STIM1: variants seen among roughly 807,000 people sequenced by gnomAD.
The protein encoded by STIM1 is stromal interaction molecule 1.
In STIM1, 25 loss-of-function variants were observed where a neutral mutation model predicts 74.7. The ratio of observed to expected loss-of-function variants is 0.33; its 90% CI spans 0.24 to 0.47. The LOEUF (loss-of-function observed/expected upper bound fraction) is 0.47, where lower values mean the gene tolerates loss of function less well. Ranked by LOEUF, STIM1 falls within the 20% of genes least tolerant of loss-of-function variation. The probability of loss-of-function intolerance (pLI) is 1.00; values close to 1 mark genes in which losing one functional copy is unlikely to be tolerated. For missense variants in STIM1, 728 were observed against 920.8 expected, an observed-to-expected ratio of 0.79 and a Z score of 2.71; for synonymous variants, 328 against 348.8, an observed-to-expected ratio of 0.94 and a Z score of 0.66.
At chr11:4,085,542 C>T (rs1185606570) in intron 11 of STIM1, among the ~76,000 whole-genome samples, 5 of 152,244 alleles carry the variant, frequency 3.3e-5, no homozygotes, top group South Asian at 4.2e-4. Context: ...TATTGGAAAG[C>T]GAAAAAGAGT....
chr11:3,957,391 G>A (rs550278446), intron 1 of STIM1, among the ~76,000 whole-genome samples: 2 of 151,876 alleles, frequency 1.3e-5, no homozygotes, highest in East Asian at 3.9e-4. Context: ...TGAGTAGTTG[G>A]GATTACAGGC....
At chr11:4,003,672 C>T (rs2093745317) in intron 2 of STIM1, among the ~76,000 whole-genome samples, 1 of 152,176 alleles carries the variant, frequency 6.6e-6, no homozygotes, top group African/African-American at 2.4e-5. Flanking sequence ...CCTTTGAAAA[C>T]TGGCACAAGA....
chr11:4,061,139 A>G (rs749039745), intron 5 of STIM1, among the ~76,000 whole-genome samples: 3 of 152,214 alleles, frequency 2.0e-5, no homozygotes, highest in Non-Finnish European at 2.9e-5. Flanking sequence ...AATCAGATTT[A>G]TCATGTCTGA....
intron 2 of STIM1, among the ~76,000 whole-genome samples, chr11:4,007,396 A>G (rs1220249600): frequency 6.6e-6 from 1 of 152,164 alleles, no homozygotes; most frequent in Non-Finnish European, 1.5e-5. Flanking sequence ...GACTTTAGCT[A>G]TTAGCTGGAT....
At chr11:4,051,607 T>G (rs1350455492) in intron 3 of STIM1, among the ~76,000 whole-genome samples, 1 of 152,074 alleles carries the variant, frequency 6.6e-6, no homozygotes, top group East Asian at 1.9e-4. Flanking sequence ...CCTCCCAAAG[T>G]GCTGGGATTA....
At position 3,992,081 on chromosome 11, in the gene STIM1, G is replaced by GCTTTTTTTTTTT. The variant is rs376329167; in HGVS notation, c.270+24399_270+24400insCTTTTTTTTTTT. Among the ~76,000 whole-genome samples, 228 of 91,904 alleles carry GCTTTTTTTTTTT rather than the reference G, an allele frequency of 2.5e-3. 18 individuals carry two copies. Among genetic ancestry groups the GCTTTTTTTTTTT allele is most frequent in the South Asian group, 5.6e-3 (14 of 2,506 alleles). 60.3% of individuals were successfully genotyped at this position (91,904 alleles called of 152,430 possible). ...TTTCTCTGCAGCCTTGCCAACATCT[G>GCTTTTTTTTTTT]TTTTTTTGTTTTTTTTTTTTTTTTT... On this transcript the variant is annotated intron_variant, in intron 2 of 12. Transcript: ENST00000526596.
intron 1 of STIM1, among the ~76,000 whole-genome samples, chr11:3,899,569 G>A (rs1430822787): frequency 2.0e-5 from 3 of 150,090 alleles, no homozygotes; most frequent in Non-Finnish European, 3.0e-5. Context: ...TAGGAGTGGT[G>A]AGAGAGGGCA....
At chr11:3,906,556 A>C (rs1024260766) in intron 1 of STIM1, among the ~76,000 whole-genome samples, 3 of 152,242 alleles carry the variant, frequency 2.0e-5, no homozygotes, top group Non-Finnish European at 4.4e-5. Flanking sequence ...ATGATGTTTT[A>C]ATTATAAAAT....
intron 1 of STIM1, among the ~76,000 whole-genome samples, chr11:3,932,073 G>A (rs1013381808): frequency 2.6e-5 from 4 of 152,058 alleles, no homozygotes; most frequent in Admixed American, 2.0e-4. Flanking sequence ...AGCCTGCTGC[G>A]ACTGGACTGT....
At position 4,084,659 on chromosome 11, in the gene STIM1, G is replaced by T. The variant is rs2094482588; in HGVS notation, c.1475-14G>T. On this transcript the variant is annotated splice_polypyrimidine_tract_variant and intron_variant, in intron 10 of 12. Transcript: ENST00000526596. Reference sequence around the variant, plus strand: ...CAGATTCTCTTCTCCTTTTGGCCTGGCTGTTGACCCTAGATGCTGCCTGGC... The same window carrying T: ...CAGATTCTCTTCTCCTTTTGGCCTGTCTGTTGACCCTAGATGCTGCCTGGC... 1.9e-5 allele frequency: 24 copies of T among 1,289,300 alleles called. No homozygotes were observed. The highest frequency in any genetic ancestry group is 2.4e-5 in the Non-Finnish European group (24 of 988,816). 79.9% of individuals were successfully genotyped at this position (1,289,300 alleles called of 1,614,324 possible).
intron 1 of STIM1, among the ~76,000 whole-genome samples, chr11:3,895,123 T>G (rs1279102737): frequency 6.6e-6 from 1 of 152,130 alleles, no homozygotes; most frequent in Non-Finnish European, 1.5e-5. Flanking sequence ...CAGCAATACA[T>G]TTGTCACTCT....
At chr11:3,893,044 A>G (rs937023042) in intron 1 of STIM1, among the ~76,000 whole-genome samples, 3 of 152,264 alleles carry the variant, frequency 2.0e-5, no homozygotes, top group Non-Finnish European at 4.4e-5. Context: ...TGCTAGGGCT[A>G]TAATGTTGAG....
chr11:3,956,549 G>A (rs199971676), intron 1 of STIM1, among the ~76,000 whole-genome samples: 3 of 152,054 alleles, frequency 2.0e-5, no homozygotes, highest in African/African-American at 4.8e-5. Context: ...TTAGGACTTG[G>A]TAATAGTAAT....
intron 6 of STIM1, among the ~76,000 whole-genome samples, chr11:4,072,483 A>G (rs2094409998): frequency 6.6e-6 from 1 of 152,266 alleles, no homozygotes; most frequent in Non-Finnish European, 1.5e-5. Context: ...TCATAGTCAC[A>G]CAACTGCTTA....
intron 1 of STIM1, among the ~76,000 whole-genome samples, chr11:3,879,135 T>C (rs2091407659): frequency 6.6e-6 from 1 of 152,136 alleles, no homozygotes; most frequent in African/African-American, 2.4e-5. Flanking sequence ...TTTGTATTTT[T>C]AGTAGAGACG....
At chr11:3,889,699 T>G (rs924910216) in intron 1 of STIM1, among the ~76,000 whole-genome samples, 2 of 152,118 alleles carry the variant, frequency 1.3e-5, no homozygotes, top group African/African-American at 4.8e-5. Flanking sequence ...TCTAGGCGCT[T>G]TTTTGAGGGT....
intron 1 of STIM1, among the ~76,000 whole-genome samples, chr11:3,908,484 C>T (rs373448086): frequency 5.3e-5 from 8 of 151,932 alleles, no homozygotes; most frequent in South Asian, 4.2e-4. Context: ...TGGTGGCGGG[C>T]GCCTGTAGTC....
intron 6 of STIM1, among the ~76,000 whole-genome samples, chr11:4,072,875 T>C (rs2094412610): frequency 6.6e-6 from 1 of 152,130 alleles, no homozygotes; most frequent in African/African-American, 2.4e-5. Flanking sequence ...CCTATGCATA[T>C]ATCGCCATCT....
intron 1 of STIM1, among the ~76,000 whole-genome samples, chr11:3,909,758 C>T (rs1590555326): frequency 6.8e-6 from 1 of 146,790 alleles, no homozygotes; most frequent in Non-Finnish European, 1.5e-5. Flanking sequence ...TGGCACTGCA[C>T]TCCAGCCTGG....
Sources: allele counts gnomAD v4.1 joint callset (sites outside exome capture counted in the v4.1 genomes callset), GRCh38; gene constraint gnomAD v4.1.1; transcripts MANE v1.5; gene names NCBI Gene and HGNC (gene_info 2026-07-23, HGNC 2026-07-21).